Variants in MLLT3 observed in about 807,000 individuals in gnomAD.
MLLT3 encodes the protein MLLT3 super elongation complex subunit.
Under a neutral mutation model 53.2 loss-of-function variants are expected in MLLT3, and 4 were observed. The ratio of observed to expected loss-of-function variants is 0.08; its 90% CI spans 0.04 to 0.17. The LOEUF is 0.17. Ranked by LOEUF, MLLT3 falls within the 10% of genes least tolerant of loss-of-function variation. The pLI, the probability that MLLT3 is intolerant of heterozygous loss-of-function variation, is 1.00. For synonymous variants in MLLT3, 283 were observed against 230.6 expected (o/e 1.23, Z -2.06); for missense variants, 569 against 684.0 (o/e 0.83, Z 1.87).
At chr9:20,409,614 T>G (rs748208627) in intron 5 of MLLT3, among the ~76,000 whole-genome samples, 1 of 152,196 alleles carries the variant, frequency 6.6e-6, no homozygotes, top group Non-Finnish European at 1.5e-5. Context: ...CTAATGGGAA[T>G]AGCCTCAGTT....
chr9:20,565,074 G>A, intron 2 of MLLT3, among the ~76,000 whole-genome samples: 1 of 151,496 alleles, frequency 6.6e-6, no homozygotes, highest in South Asian at 2.1e-4. Context: ...GAGAATCAAG[G>A]AATTAACTGC....
chr9:20,504,687 T>C (rs140639134), intron 2 of MLLT3, among the ~76,000 whole-genome samples: 1 of 152,026 alleles, frequency 6.6e-6, no homozygotes, highest in Non-Finnish European at 1.5e-5. Context: ...GTGACTACAG[T>C]TCATAACAAT....
In MLLT3 at chr9:20,557,246, G is replaced by A. The variant is rs565093274; in HGVS notation, c.193+63408C>T. ...GCTGTGAACTGCTAATTTGGTAGGA[G>A]AGCAGAATAACATAGTGGGGTAGTG... On this transcript the variant is annotated intron_variant, in intron 2 of 10. Transcript: ENST00000380338. 3.9e-5 allele frequency among the ~76,000 whole-genome samples: 6 copies of A among 152,204 alleles called. No individual in the cohort carries two copies. The South Asian group carries it at 1.2e-3, about 32-fold the overall frequency.
intron 2 of MLLT3, among the ~76,000 whole-genome samples, chr9:20,495,650 T>C (rs1047639864): frequency 6.6e-6 from 1 of 152,138 alleles, no homozygotes; most frequent in Admixed American, 6.5e-5. Flanking sequence ...AAAATAGGTA[T>C]ATCTGTTCAC....
At chr9:20,580,029 T>G (rs1226173180) in intron 2 of MLLT3, among the ~76,000 whole-genome samples, 1 of 152,140 alleles carries the variant, frequency 6.6e-6, no homozygotes, top group African/African-American at 2.4e-5. Flanking sequence ...AACAGGCCCA[T>G]TAAATAAAGA....
intron 2 of MLLT3, among the ~76,000 whole-genome samples, chr9:20,597,203 T>C (rs547805510): frequency 5.3e-5 from 8 of 152,194 alleles, no homozygotes; most frequent in African/African-American, 1.9e-4. Context: ...TTCATAGGGA[T>C]CATTAGACTA....
rs376592782 is a variant in MLLT3 at position 20,360,811 on chromosome 9, T to A, written c.1362A>T (p.Glu454Asp). ...GTAGGGGTGAAGAAGCAGAACTGCT[T>A]TCACTATCGCTGCCATCACTTAAGC... ...RVSLSDGSDS[E>D]SSSASSPLHH... Residue 454 changes from glutamate (E) to aspartate (D), a missense_variant, in exon 8 of 11, where the codon GAA becomes GAT. Physicochemically the swap from Glu to Asp is conservative, Grantham distance 45. Transcript: ENST00000380338. The A allele has an allele frequency of 1.9e-6, 3 of 1,613,940 alleles. No homozygotes were observed. In the African/African-American group the frequency reaches 4.0e-5, roughly 22 times the overall value.
At chr9:20,521,937 T>C (rs1818072787) in intron 2 of MLLT3, among the ~76,000 whole-genome samples, 1 of 150,794 alleles carries the variant, frequency 6.6e-6, no homozygotes, top group African/African-American at 2.4e-5. Flanking sequence ...ACAAGAAATG[T>C]AATAGGAACT....
At chr9:20,446,416 C>T (rs1432149399) in intron 4 of MLLT3, among the ~76,000 whole-genome samples, 1 of 152,182 alleles carries the variant, frequency 6.6e-6, no homozygotes, top group Non-Finnish European at 1.5e-5. Context: ...GGATGCAGTG[C>T]TGCACTTTGC....
intron 2 of MLLT3, among the ~76,000 whole-genome samples, chr9:20,487,013 T>C (rs1030830769): frequency 4.0e-4 from 61 of 152,284 alleles, no homozygotes; most frequent in African/African-American, 1.4e-3. Flanking sequence ...TGATTATCAA[T>C]TGTTGTGTGT....
chr9:20,512,242 C>T lies in MLLT3; in HGVS notation c.194-55456G>A, dbSNP rs2118962824. On this transcript the variant is annotated intron_variant, in intron 2 of 10. Transcript: ENST00000380338. ...CCTATCTGGCTCCTGATCTGAAATT[C>T]CATTAGCAATCATATTTTCACTCCA... is the stretch of plus-strand genomic sequence containing the variant. 2.0e-5 allele frequency among the ~76,000 whole-genome samples: 3 copies of T among 152,290 alleles called. No homozygotes were observed. In the South Asian group the frequency reaches 6.2e-4, roughly 32 times the overall value.
At position 20,622,447 on chromosome 9, in the gene MLLT3, C is replaced by CCAAAAG. The variant is rs1437723217; in HGVS notation, c.-197_-192dup. ...GCTCGCTCGCTTATTAAACTCAGCCCCAAAAGCAAAAGCAGCAGCAGCAGC... is the reference window on the plus strand; with the variant it reads ...GCTCGCTCGCTTATTAAACTCAGCCCCAAAAGCAAAAGCAAAAGCAGCAGCAGCAGC... On this transcript the variant is annotated 5_prime_UTR_variant, in exon 1 of 11. Transcript: ENST00000380338. 2.9e-5 allele frequency: 16 copies of CCAAAAG among 547,956 alleles called. No homozygotes were observed. Among genetic ancestry groups the CCAAAAG allele is most frequent in the African/African-American group, 3.9e-5 (2 of 50,922 alleles). The allele number at this position is 547,956 out of a possible 1,614,324, so 33.9% of individuals were successfully genotyped here.
At chr9:20,466,429 T>C (rs1824239827) in intron 2 of MLLT3, among the ~76,000 whole-genome samples, 1 of 152,198 alleles carries the variant, frequency 6.6e-6, no homozygotes, top group African/African-American at 2.4e-5. Flanking sequence ...CGCATTTACA[T>C]TATGAAGTTT....
chr9:20,543,988 G>C (rs1767068504), intron 2 of MLLT3, among the ~76,000 whole-genome samples: 1 of 152,164 alleles, frequency 6.6e-6, no homozygotes, highest in African/African-American at 2.4e-5. Context: ...AAACTGTGTA[G>C]TACTGTCCTA....
intron 2 of MLLT3, chr9:20,532,566 G>A: frequency 4.2e-6 from 1 of 237,874 alleles, no homozygotes; most frequent in Non-Finnish European, 8.0e-6. Flanking sequence ...CCAAAGGAAA[G>A]AAGGCCAAGA....
At chr9:20,458,679 G>T (rs1824034259) in intron 2 of MLLT3, among the ~76,000 whole-genome samples, 5 of 152,214 alleles carry the variant, frequency 3.3e-5, no homozygotes, top group Admixed American at 2.6e-4. Flanking sequence ...GCCCCCACCA[G>T]AATCCCACCA....
intron 2 of MLLT3, among the ~76,000 whole-genome samples, chr9:20,567,001 T>C (rs1819393678): frequency 6.6e-6 from 1 of 152,070 alleles, no homozygotes; most frequent in Non-Finnish European, 1.5e-5. Context: ...TTAACTGTCT[T>C]AAAGGCACCG....
chr9:20,481,178 T>G (rs77097267), intron 2 of MLLT3, among the ~76,000 whole-genome samples: 1 of 152,176 alleles, frequency 6.6e-6, no homozygotes, highest in African/African-American at 2.4e-5. Flanking sequence ...CCCTGATGAA[T>G]TGTCTCAGAG....
chr9:20,497,137 G>C (rs1038535962), intron 2 of MLLT3, among the ~76,000 whole-genome samples: 2 of 152,198 alleles, frequency 1.3e-5, no homozygotes, highest in Non-Finnish European at 2.9e-5. Flanking sequence ...ACATGCTGTA[G>C]TATCCAGTAG....
Sources: allele counts gnomAD v4.1 joint callset (sites outside exome capture counted in the v4.1 genomes callset), GRCh38; gene constraint gnomAD v4.1.1; transcripts MANE v1.5; gene names NCBI Gene and HGNC (gene_info 2026-07-23, HGNC 2026-07-21).